Variants in KMT2D observed in about 807,000 individuals in gnomAD.
The protein encoded by KMT2D is histone-lysine N-methyltransferase 2D.
Under a neutral mutation model 512.7 loss-of-function variants are expected in KMT2D, and 55 were observed. That is an observed-to-expected ratio of 0.11 (90% CI 0.09 to 0.13). KMT2D has a LOEUF of 0.13. Ranked by LOEUF, KMT2D falls within the 10% of genes least tolerant of loss-of-function variation. The pLI is 1.00. For missense variants in KMT2D, 6,061 were observed against 7,127.9 expected (o/e 0.85, Z 5.39); for synonymous variants, 2,995 against 2,904.0 (o/e 1.03, Z -1.01).
rs1937966416 is a variant in KMT2D, at chr12:49,051,181, G to GT, written c.2501_2502insA (p.Gln836ProfsTer3). The GT allele has an allele frequency of 6.7e-7, 1 of 1,501,218 alleles. No homozygotes were observed. 93.0% of individuals were successfully genotyped at this position (1,501,218 alleles called of 1,614,324 possible). A position where few individuals can be genotyped will look rare whatever the true frequency, so the allele number is the denominator to read the frequency against. On this transcript the variant is annotated frameshift_variant, in exon 11 of 55. Transcript: ENST00000301067. LOFTEE classifies it high-confidence loss of function. The stretch of plus-strand genomic sequence containing the variant: ...ACAGGCATGGCTCCTCAGACTGGGG[G>GT]GACAGGTGTGATTCCTCAGGTTGGG...
chr12:49,052,397 T>C lies in KMT2D; in HGVS notation c.1286A>G (p.Gln429Arg). 6.5e-7 allele frequency: 1 copy of C among 1,542,020 alleles called. No individual in the cohort carries two copies. The highest frequency in any genetic ancestry group is 8.7e-7 in the Non-Finnish European group (1 of 1,144,152). The change falls in exon 11 of 55, where the codon CAG becomes CGG. Residue 429 changes from glutamine (Q) to arginine (R), a missense_variant. Transcript: ENST00000301067. ...LGKAGVQLEPQLEAPLNEEMP... is the reference protein window; with the variant it reads ...LGKAGVQLEPRLEAPLNEEMP... ...CTCCTCGTTTAGGGGGGCCTCCAAC[T>C]GGGGCTCAAGTTGGACCCCTGCTTT...
chr12:49,045,716 A>C (rs1943753801), intron 19 of KMT2D, among the ~76,000 whole-genome samples: 1 of 151,796 alleles, frequency 6.6e-6, no homozygotes. Flanking sequence ...TGATGAAAGG[A>C]ACATTGCCCG....
Position 49,038,818 on chromosome 12 carries a change from G to A in KMT2D, c.8538C>T (p.Gly2846=). ...CCAACGGGGAACCTAGGGCTTGGCG[G>A]CCAAGTTCAGGTCCAGGAGTTGATG... ...RFPSTPGPEL[G]RQALGSPLAG... The change falls in exon 35 of 55, where the codon GGC becomes GGT. Residue 2846 remains glycine, a synonymous_variant. Coordinates refer to ENST00000301067, the MANE Select transcript of KMT2D (RefSeq NM_003482.4). The surrounding 1 kb of genome is among the most constrained non-coding windows in gnomAD (Gnocchi z 5.7). The A allele has an allele frequency of 6.4e-7, 1 of 1,565,020 alleles. No homozygotes were observed. Among genetic ancestry groups the A allele is most frequent in the East Asian group, 2.4e-5 (1 of 42,000 alleles).
rs375504464 is a variant in KMT2D, at chr12:49,049,662, G to C, written c.3906+20C>G. 6.5e-7 allele frequency: 1 copy of C among 1,549,318 alleles called. No individual in the cohort carries two copies. The highest frequency in any genetic ancestry group is 1.4e-5 in the African/African-American group (1 of 73,546). On this transcript the variant is annotated intron_variant, in intron 12 of 54. Transcript: ENST00000301067. ...AGTGGGCTAACTCTAATCACATCCC[G>C]CAGCTAGATAGCCCCTCACCTGTTT...
chr12:49,041,378 G>T lies in KMT2D; in HGVS notation c.6392C>A (p.Thr2131Asn), dbSNP rs587778463. The T allele has an allele frequency of 1.3e-5, 21 of 1,598,326 alleles. 1 individual carries two copies. The African/African-American group carries it at 2.8e-4, about 21-fold the overall frequency. Residue 2131 changes from threonine (T) to asparagine (N), a missense_variant, in exon 32 of 55, where the codon ACC (threonine) becomes AAC (asparagine). Physicochemically the swap from Thr to Asn is moderately conservative, Grantham distance 65. Transcript: ENST00000301067. This position sits in a 1 kb window ranked among gnomAD's most constrained non-coding sequence, Gnocchi z 5.4. Reference protein sequence around the residue: ...APTIFIGSPTTPAGLSTSADG... With the variant: ...APTIFIGSPTNPAGLSTSADG... ...CGCAGAGGTAGACAAGCCGGCGGGG[G>T]TAGTGGGGCTGCCAATGAAAATGGT...
In KMT2D at chr12:49,027,114, G is replaced by A. The variant is rs1942637978; in HGVS notation, c.14852C>T (p.Pro4951Leu). Residue 4951 changes from proline (P) to leucine (L), a missense_variant, in exon 49 of 55, where the codon CCA becomes CTA. By Grantham distance (98) the Pro-to-Leu change is moderately conservative (BLOSUM62 -3). Coordinates refer to ENST00000301067, the MANE Select transcript of KMT2D (RefSeq NM_003482.4). ...GGCTGATTCAGGGGATGAGGCCAGT[G>A]GCAGAGGTGAGGGGACGGGTGGCTC... The part of the protein sequence containing the change: ...LAEPPVPSPL[P>L]LASSPESARP... 1 of 1,597,426 alleles carries A rather than the reference G, an allele frequency of 6.3e-7. No homozygotes were observed. Among genetic ancestry groups the A allele is most frequent in the East Asian group, 2.2e-5 (1 of 44,688 alleles).
chr12:49,047,830 T>C (rs762752919), intron 15 of KMT2D, 135 bp downstream of exon 15: 5 of 611,204 alleles, frequency 8.2e-6, no homozygotes, highest in Non-Finnish European at 1.5e-5. Flanking sequence ...CAAGAAAAGT[T>C]TGATAACCAC....
In KMT2D at chr12:49,039,941, A is replaced by G. The variant is rs200998047; in HGVS notation, c.7829T>C (p.Leu2610Pro). ...STGESYGLSPLRPPSVLPPPA... is the reference protein window; with the variant it reads ...STGESYGLSPPRPPSVLPPPA... ...TGGTGGCAGAACCGACGGAGGGCGT[A>G]GTGGGGACAGCCCATAGCTCTCCCC... Residue 2610 changes from leucine to proline, a missense_variant, in exon 32 of 55, where the codon CTA becomes CCA. By Grantham distance (98) the Leu-to-Pro change is moderately conservative (BLOSUM62 -3). Around this residue, in one of 16 missense-constraint regions of KMT2D, gnomAD observed 527 missense variants for 578.9 expected, o/e 0.91. Coordinates refer to ENST00000301067, the MANE Select transcript of KMT2D (RefSeq NM_003482.4). The surrounding 1 kb of genome is among the most constrained non-coding windows in gnomAD (Gnocchi z 5.0). 191 of 1,613,782 alleles carry G rather than the reference A, an allele frequency of 1.2e-4. No individual in the cohort carries two copies. Among genetic ancestry groups the G allele is most frequent in the Non-Finnish European group, 1.2e-4 (142 of 1,179,842 alleles).
chr12:49,045,747 C>T (rs1471553508), intron 19 of KMT2D, among the ~76,000 whole-genome samples, 173 bp downstream of exon 19: 2 of 151,988 alleles, frequency 1.3e-5, no homozygotes, highest in Non-Finnish European at 2.9e-5. Context: ...GACCTTGGTT[C>T]TAGGCATAAC....
rs1943053119 is a variant in KMT2D, at chr12:49,033,382, C to G, written c.11323G>C (p.Gly3775Arg). The G allele has an allele frequency of 1.9e-6, 3 of 1,575,668 alleles. No homozygotes were observed. The highest frequency in any genetic ancestry group is 4.7e-5 in the East Asian group (2 of 42,570). ...TGGTGGCTGCTGGGAGGCATAAGGCCCTGGGGCTTGGGACCCAGAGCTTGG... is the reference window on the plus strand; with the variant it reads ...TGGTGGCTGCTGGGAGGCATAAGGCGCTGGGGCTTGGGACCCAGAGCTTGG... Reference protein sequence around the residue: ...TNQALGPKPQGLMPPSSHQGL... With the variant: ...TNQALGPKPQRLMPPSSHQGL... The change falls in exon 40 of 55, where the codon GGC becomes CGC. Residue 3775 changes from glycine (G) to arginine (R), a missense_variant. Physicochemically the swap from Gly to Arg is moderately radical, Grantham distance 125. Transcript: ENST00000301067.
chr12:49,028,229 C>T, intron 46 of KMT2D, 88 bp from the exon 47 acceptor site: 1 of 1,524,852 alleles, frequency 6.6e-7, no homozygotes, highest in East Asian at 2.3e-5. Flanking sequence ...GACAAGGACA[C>T]CTAGAACCCA....
In KMT2D at chr12:49,019,161, C is replaced by T; in HGVS notation, c.*2619G>A. 5.3e-6 allele frequency: 6 copies of T among 1,124,068 alleles called. No individual in the cohort carries two copies. Among genetic ancestry groups the T allele is most frequent in the Non-Finnish European group, 5.5e-6 (5 of 913,364 alleles). 69.6% of individuals were successfully genotyped at this position (1,124,068 alleles called of 1,614,324 possible). ...GAGAGGGCGCTTTAAAAAAGGGAAC[C>T]ATTTCATCCGTTGTTACGAAGGACC... On this transcript the variant is annotated 3_prime_UTR_variant, in exon 55 of 55. Transcript: ENST00000301067.
rs748707947 is a variant in KMT2D, at chr12:49,042,927, G to A, written c.5645-49C>T. ...TTGAGGAAGACTGGGAAGTTCAGGT[G>A]ACACCACAGGTCTACAAATGATCAT... On this transcript the variant is annotated intron_variant, in intron 26 of 54. Coordinates refer to ENST00000301067, the MANE Select transcript of KMT2D (RefSeq NM_003482.4). This position sits in a 1 kb window ranked among gnomAD's most constrained non-coding sequence, Gnocchi z 4.4. 6.2e-7 allele frequency: 1 copy of A among 1,609,552 alleles called. No homozygotes were observed. Among genetic ancestry groups the A allele is most frequent in the Non-Finnish European group, 8.5e-7 (1 of 1,176,600 alleles).
chr12:49,033,666 T>C lies in KMT2D; in HGVS notation c.11039A>G (p.Gln3680Arg). 1 of 1,613,732 alleles carries C rather than the reference T, an allele frequency of 6.2e-7. No homozygotes were observed. Among genetic ancestry groups the C allele is most frequent in the Non-Finnish European group, 8.5e-7 (1 of 1,179,876 alleles). ...GPFLNTALAQQQQQQHSGGAG... is the reference protein window; with the variant it reads ...GPFLNTALAQRQQQQHSGGAG... ...CCCACCAGAATGTTGCTGTTGCTGC[T>C]GTTGGGCCAGAGCTGTATTAAGGAA... The change falls in exon 40 of 55, where the codon CAG (glutamine) becomes CGG (arginine). Residue 3680 changes from glutamine (Q) to arginine (R), a missense_variant. Transcript: ENST00000301067.
Position 49,046,846 on chromosome 12 carries a change from C to A in KMT2D, c.4237-56G>T. The A allele has an allele frequency of 6.6e-7, 1 of 1,512,574 alleles. No homozygotes were observed. The highest frequency in any genetic ancestry group is 2.3e-5 in the East Asian group (1 of 42,994). 93.7% of individuals were successfully genotyped at this position (1,512,574 alleles called of 1,614,324 possible). A position where few individuals can be genotyped will look rare whatever the true frequency, so the allele number is the denominator to read the frequency against. On this transcript the variant is annotated intron_variant, in intron 15 of 54. Transcript: ENST00000301067. This position sits in a 1 kb window ranked among gnomAD's most constrained non-coding sequence, Gnocchi z 4.2. ...GTGAGGTGGAAAAGAGGTAGAACTT[C>A]TTTTTATTTTTTTTTGGAGATGGAG...
At chr12:49,030,475 G>A (rs1424531643) in intron 42 of KMT2D, 36 bp from the exon 43 acceptor site, 1 of 1,364,490 alleles carries the variant, frequency 7.3e-7, no homozygotes, top group South Asian at 1.3e-5. Flanking sequence ...TGTGCAAGAT[G>A]GCATAGGGAG....
At chr12:49,045,592 C>T (rs1943746778) in intron 19 of KMT2D, among the ~76,000 whole-genome samples, 3 of 147,358 alleles carry the variant, frequency 2.0e-5, no homozygotes. Context: ...TGCAATGTGC[C>T]AAGCTTGTGC....
rs1942962404 is a variant in KMT2D at position 49,032,362 on chromosome 12, T to C, written c.12343A>G (p.Ser4115Gly). The change falls in exon 40 of 55, where the codon AGC becomes GGC. Residue 4115 changes from serine (S) to glycine (G), a missense_variant. Transcript: ENST00000301067. Reference protein sequence around the residue: ...VSLLHTAGGGSHGQLGSGSSS... With the variant: ...VSLLHTAGGGGHGQLGSGSSS... ...GATCCACTGCCTAGCTGCCCATGGC[T>C]TCCTCCACCTGCTGTGTGGAGCAGG... 6.2e-7 allele frequency: 1 copy of C among 1,612,898 alleles called. No homozygotes were observed. Among genetic ancestry groups the C allele is most frequent in the Non-Finnish European group, 8.5e-7 (1 of 1,179,422 alleles).
At chr12:49,047,594 T>C (rs1035125876) in intron 15 of KMT2D, among the ~76,000 whole-genome samples, 1 of 18,962 alleles carries the variant, frequency 5.3e-5, no homozygotes, top group Non-Finnish European at 8.9e-5. Flanking sequence ...ATTTTTGTTA[T>C]TTTTTAGAAG....
Sources: allele counts gnomAD v4.1 joint callset (sites outside exome capture counted in the v4.1 genomes callset), GRCh38; gene constraint gnomAD v4.1.1; regional missense constraint gnomAD v4.1.1; non-coding constraint Gnocchi (gnomAD v3.1); transcripts MANE v1.5; gene names NCBI Gene and HGNC (gene_info 2026-07-23, HGNC 2026-07-21).